The following GAD2 variants were observed in gnomAD, a reference collection of about 807,000 sequenced individuals.
GAD2 encodes glutamate decarboxylase 2, also known as 65 kDa glutamic acid decarboxylase.
GAD2 carries 22 observed loss-of-function variants against 80.1 expected under a neutral mutation model. The observed-to-expected ratio is 0.27, with a 90% CI of 0.20 to 0.39. The LOEUF (loss-of-function observed/expected upper bound fraction) is 0.39. Ranked by LOEUF, GAD2 falls within the 10% of genes least tolerant of loss-of-function variation. The pLI, the probability that GAD2 is intolerant of heterozygous loss-of-function variation, is 1.00. For missense variants in GAD2, 624 were observed against 738.4 expected (o/e 0.85, Z 1.80); for synonymous variants, 274 against 256.9 (o/e 1.07, Z -0.64).
chr10:26,263,923 A>T (rs755712311), intron 8 of GAD2, among the ~76,000 whole-genome samples: 1 of 152,206 alleles, frequency 6.6e-6, no homozygotes, highest in Non-Finnish European at 1.5e-5. Flanking sequence ...AGTCAACCTG[A>T]AAAGTTTTTT....
At chr10:26,275,670 T>C (rs1307387841) in intron 11 of GAD2, among the ~76,000 whole-genome samples, 1 of 152,170 alleles carries the variant, frequency 6.6e-6, no homozygotes, top group Non-Finnish European at 1.5e-5. Flanking sequence ...GGAAGACCAG[T>C]GGAAACCACA....
At chr10:26,223,118 C>T (rs1378803112) in intron 4 of GAD2, among the ~76,000 whole-genome samples, 1 of 152,126 alleles carries the variant, frequency 6.6e-6, no homozygotes, top group Non-Finnish European at 1.5e-5. Context: ...TTAGATAAGC[C>T]TTGCGATGGA....
At chr10:26,252,405 C>G (rs1297963250) in intron 8 of GAD2, among the ~76,000 whole-genome samples, 2 of 151,900 alleles carry the variant, frequency 1.3e-5, no homozygotes, top group African/African-American at 4.8e-5. Flanking sequence ...TGCAGTGGCA[C>G]AATCTCAGCT....
At chr10:26,263,890 G>T (rs117577922) in intron 8 of GAD2, among the ~76,000 whole-genome samples, 2,333 of 152,240 alleles carry the variant, frequency 0.015, 27 homozygotes, top group Non-Finnish European at 0.024. Flanking sequence ...TGGACATTTT[G>T]CATATGTCAT....
intron 7 of GAD2, among the ~76,000 whole-genome samples, chr10:26,239,711 C>CTG (rs1163279261): frequency 6.6e-6 from 1 of 152,090 alleles, no homozygotes; most frequent in Non-Finnish European, 1.5e-5. Flanking sequence ...AAAAATATCT[C>CTG]TGTGTGGAGG....
At chr10:26,271,535 C>T (rs1033425201) in intron 10 of GAD2, among the ~76,000 whole-genome samples, 2 of 152,174 alleles carry the variant, frequency 1.3e-5, no homozygotes, top group Non-Finnish European at 2.9e-5. Flanking sequence ...CAAACCATCG[C>T]TAATCACAAA....
chr10:26,246,729 T>G (rs774975533), intron 8 of GAD2, among the ~76,000 whole-genome samples: 1 of 152,204 alleles, frequency 6.6e-6, no homozygotes, highest in Non-Finnish European at 1.5e-5. Context: ...AAAAGCACCA[T>G]ACGTTGATCC....
rs780350573 is a variant in GAD2, at chr10:26,229,794, C to T, written c.840+17C>T. 2 of 1,573,356 alleles carry T rather than the reference C, an allele frequency of 1.3e-6. No individual in the cohort carries two copies. The highest frequency in any genetic ancestry group is 1.1e-5 in the South Asian group (1 of 89,688). ...TCTGAACATGTATGTGTTTCTTTTC[C>T]TTGCAAGTTTAAGGTTATGTTCCAT... On this transcript the variant is annotated intron_variant, in intron 7 of 15. Transcript: ENST00000376261.
intron 7 of GAD2, among the ~76,000 whole-genome samples, chr10:26,239,276 G>A (rs1206610374): frequency 6.6e-6 from 1 of 152,194 alleles, no homozygotes; most frequent in Non-Finnish European, 1.5e-5. Context: ...TGAGGTCTCT[G>A]TGTTGCTTCT....
chr10:26,283,570 G>A (rs1845297050), intron 12 of GAD2, among the ~76,000 whole-genome samples: 1 of 152,194 alleles, frequency 6.6e-6, no homozygotes, highest in Admixed American at 6.5e-5. Context: ...TGGAATTTCA[G>A]CATGAGAAGG....
At chr10:26,245,799 C>A (rs1459463820) in intron 7 of GAD2, 122 bp from the exon 8 acceptor site, 3 of 754,086 alleles carry the variant, frequency 4.0e-6, no homozygotes, top group Non-Finnish European at 6.4e-6. Context: ...TCTCAGCAGC[C>A]CAGGCTTTGG....
At chr10:26,298,164 G>GT (rs1158721915) in intron 15 of GAD2, among the ~76,000 whole-genome samples, 1 of 152,130 alleles carries the variant, frequency 6.6e-6, no homozygotes, top group Admixed American at 6.5e-5. Context: ...GTCTCATAGC[G>GT]CCTATTGTTA....
intron 8 of GAD2, among the ~76,000 whole-genome samples, chr10:26,259,115 G>T (rs965271926): frequency 6.6e-6 from 1 of 152,172 alleles, no homozygotes; most frequent in African/African-American, 2.4e-5. Context: ...ACTGTGCCCA[G>T]CCTTACTTCC....
Position 26,216,782 on chromosome 10 carries a change from A to G in GAD2, c.-28A>G, listed in dbSNP as rs1009894895. On this transcript the variant is annotated 5_prime_UTR_variant, in exon 1 of 16. Coordinates refer to ENST00000376261, the MANE Select transcript of GAD2 (RefSeq NM_001134366.2). The surrounding 1 kb of genome is among the most constrained non-coding windows in gnomAD (Gnocchi z 4.7). ...CAGCTCGCCCGCAGCTCGCACTCGC[A>G]GGCGACCTGCTCCAGTCTCCAAAGC... The G allele has an allele frequency of 1.9e-6, 3 of 1,594,854 alleles. No individual in the cohort carries two copies. The highest frequency in any genetic ancestry group is 1.7e-4 in the Middle Eastern group (1 of 5,820).
chr10:26,295,836 A>C (rs1177620172), intron 15 of GAD2, among the ~76,000 whole-genome samples: 1 of 152,178 alleles, frequency 6.6e-6, no homozygotes, highest in Non-Finnish European at 1.5e-5. Flanking sequence ...TGTGCAGTTT[A>C]TGTGAACCAA....
In GAD2 at chr10:26,281,106, T is replaced by C. The variant is rs780454871; in HGVS notation, c.1236+19T>C. ...AGAAGAGGTATGTCTCTCTTGACTC[T>C]GTGTCCCAGTCCGTGCGTGGGCTTT... On this transcript the variant is annotated intron_variant, in intron 12 of 15. Coordinates refer to ENST00000376261, the MANE Select transcript of GAD2 (RefSeq NM_001134366.2). The C allele has an allele frequency of 3.2e-6, 5 of 1,578,236 alleles. No individual in the cohort carries two copies. In the South Asian group the frequency reaches 5.5e-5, roughly 17 times the overall value.
At chr10:26,286,549 G>A in intron 13 of GAD2, 55 bp downstream of exon 13, 1 of 1,510,186 alleles carries the variant, frequency 6.6e-7, no homozygotes, top group African/African-American at 1.4e-5. Flanking sequence ...TTTATCTGGT[G>A]ACCCCATTAT....
At position 26,303,070 on chromosome 10, in the gene GAD2, A is replaced by G. The variant is rs528035810; in HGVS notation, c.*2109A>G. 6.6e-6 allele frequency: 1 copy of G among 152,354 alleles called. No homozygotes were observed. Among genetic ancestry groups the G allele is most frequent in the South Asian group, 2.1e-4 (1 of 4,830 alleles). 9.4% of individuals were successfully genotyped at this position (152,354 alleles called of 1,614,324 possible). On this transcript the variant is annotated 3_prime_UTR_variant, in exon 16 of 16. Coordinates refer to ENST00000376261, the MANE Select transcript of GAD2 (RefSeq NM_001134366.2). ...ACCTGCTGTCCTTCGTGGAGAAGACAGTGGGGCCCAGTGCCCTGGTGAACC... is the reference window on the plus strand; with the variant it reads ...ACCTGCTGTCCTTCGTGGAGAAGACGGTGGGGCCCAGTGCCCTGGTGAACC...
chr10:26,299,285 C>T (rs1288125758), intron 15 of GAD2, among the ~76,000 whole-genome samples: 18 of 152,160 alleles, frequency 1.2e-4, no homozygotes. Flanking sequence ...GTCACATGTT[C>T]ATAACAGCAT....
Sources: allele counts gnomAD v4.1 joint callset (sites outside exome capture counted in the v4.1 genomes callset), GRCh38; gene constraint gnomAD v4.1.1; non-coding constraint Gnocchi (gnomAD v3.1); transcripts MANE v1.5; gene names NCBI Gene and HGNC (gene_info 2026-07-23, HGNC 2026-07-21).